The following RPUSD3 variants were observed in gnomAD, a reference collection of about 807,000 sequenced individuals.
RPUSD3 encodes the protein mitochondrial mRNA pseudouridine synthase RPUSD3.
Under a neutral mutation model 35.1 loss-of-function variants are expected in RPUSD3, and 36 were observed. The ratio of observed to expected loss-of-function variants is 1.02; its 90% CI spans 0.79 to 1.35. RPUSD3 has a LOEUF of 1.35. RPUSD3 is among the 40% of genes most tolerant of loss of function. RPUSD3 has a pLI of 0.00. For synonymous variants in RPUSD3, 202 were observed against 187.8 expected (o/e 1.08, Z -0.62); for missense variants, 486 against 441.9 (o/e 1.10, Z -0.89).
At chr3:9,843,329 T>A in intron 2 of RPUSD3, 136 bp downstream of exon 2, 1 of 1,288,464 alleles carries the variant, frequency 7.8e-7, no homozygotes, top group Admixed American at 2.1e-5. Context: ...GGGTGCAAAT[T>A]AGGTGGCTTG....
rs551326441 is a variant in RPUSD3 at position 9,843,271 on chromosome 3, C to G, written c.262+194G>C. The stretch of plus-strand genomic sequence containing the variant: ...TCGGTAGTTATTTGCATCTTCTCCC[C>G]ACTCTTAACCCTACTGCATCATGGC... On this transcript the variant is annotated intron_variant, in intron 2 of 8. Transcript: ENST00000383820. 1.2e-3 allele frequency: 851 copies of G among 704,536 alleles called. 3 individuals carry two copies. The highest frequency in any genetic ancestry group is 1.9e-3 in the Non-Finnish European group (793 of 425,532). 43.6% of individuals were successfully genotyped at this position (704,536 alleles called of 1,614,324 possible). A position where few individuals can be genotyped will look rare whatever the true frequency, so the allele number is the denominator to read the frequency against.
Position 9,837,972 on chromosome 3 carries a change from C to T in RPUSD3, c.*44G>A, listed in dbSNP as rs955849258. The T allele has an allele frequency of 6.0e-6, 9 of 1,509,522 alleles. No individual in the cohort carries two copies. The African/African-American group carries it at 6.9e-5, about 12-fold the overall frequency. The allele number at this position is 1,509,522 out of a possible 1,614,324, so 93.5% of individuals were successfully genotyped here. A position where few individuals can be genotyped will look rare whatever the true frequency, so the allele number is the denominator to read the frequency against. The stretch of plus-strand genomic sequence containing the variant: ...TTTGTCTGACTGCAGAGCCCCCACC[C>T]TCACTTTCCAGTGTGTGTGAGGGGG... On this transcript the variant is annotated 3_prime_UTR_variant, in exon 9 of 9. Transcript: ENST00000383820.
At chr3:9,843,656 T>A in intron 1 of RPUSD3, 55 bp from the exon 2 acceptor site, 1 of 1,595,506 alleles carries the variant, frequency 6.3e-7, no homozygotes. Context: ...TGCCACCCAT[T>A]CCTATCTCCG....
At chr3:9,843,843 C>T in intron 1 of RPUSD3, 47 bp downstream of exon 1, 1 of 1,568,264 alleles carries the variant, frequency 6.4e-7, no homozygotes, top group Non-Finnish European at 8.6e-7. Context: ...CGTGCCTTCC[C>T]CCTGCCCTAG....
chr3:9,839,050 G>C, exon 8 of RPUSD3: 3 of 1,614,192 alleles, frequency 1.9e-6, no homozygotes, highest in Non-Finnish European at 1.7e-6. Context: ...GGGGCTTGTT[G>C]TTCTCAGCTG....
intron 1 of RPUSD3, 104 bp from the exon 2 acceptor site, chr3:9,843,705 C>A: frequency 6.5e-7 from 1 of 1,549,734 alleles, no homozygotes; most frequent in Non-Finnish European, 8.7e-7. Flanking sequence ...TGACAAATGC[C>A]TCACAATGTC....
exon 6 of RPUSD3, chr3:9,840,587 G>A: frequency 6.2e-7 from 1 of 1,614,018 alleles, no homozygotes; most frequent in Non-Finnish European, 8.5e-7. Context: ...CTTCCCCTCA[G>A]AAGCAGCTGG....
chr3:9,843,329 T>C (rs1181092014), intron 2 of RPUSD3, 136 bp downstream of exon 2: 1 of 1,288,346 alleles, frequency 7.8e-7, no homozygotes, highest in Admixed American at 2.1e-5. Flanking sequence ...GGGTGCAAAT[T>C]AGGTGGCTTG....
chr3:9,839,111 T>G, exon 8 of RPUSD3: 1 of 1,614,196 alleles, frequency 6.2e-7, no homozygotes, highest in Non-Finnish European at 8.5e-7. Context: ...AGAGTACATG[T>G]GGTCCCCAAG....
chr3:9,842,008 G>A, exon 4 of RPUSD3: 1 of 1,614,042 alleles, frequency 6.2e-7, no homozygotes, highest in Middle Eastern at 1.6e-4. Flanking sequence ...ACAACCTGAA[G>A]CTCCTGCTCC....
intron 6 of RPUSD3, 25 bp downstream of exon 6, chr3:9,840,507 C>T (rs566229230): frequency 6.2e-7 from 1 of 1,612,476 alleles, no homozygotes; most frequent in East Asian, 2.2e-5. Context: ...AGAAGCACCC[C>T]TCCTCTTCCC....
intron 4 of RPUSD3, 46 bp from the exon 5 acceptor site, chr3:9,840,851 G>A (rs543945298): frequency 2.6e-5 from 39 of 1,488,576 alleles, no homozygotes; most frequent in African/African-American, 4.2e-5. Flanking sequence ...CCTTGAACTC[G>A]CCCACTAAAA....
chr3:9,838,217 G>C lies in RPUSD3; in HGVS notation c.865-10C>G, dbSNP rs369567151. ...GGGCTTCATCCAGGACCTGGAGCGG[G>C]AGAGGTACGTTGTGTTCAGCCCCAC... On this transcript the variant is annotated splice_polypyrimidine_tract_variant and intron_variant, in intron 8 of 8. Coordinates refer to ENST00000383820, the Ensembl canonical transcript of RPUSD3. The C allele has an allele frequency of 6.2e-6, 10 of 1,611,640 alleles. No individual in the cohort carries two copies. Among genetic ancestry groups the C allele is most frequent in the Non-Finnish European group, 8.5e-6 (10 of 1,179,736 alleles).
rs534262476 is a variant in RPUSD3, at chr3:9,843,745, C to T, written c.126-144G>A. The T allele has an allele frequency of 2.6e-5, 40 of 1,539,764 alleles. No homozygotes were observed. In the East Asian group the frequency reaches 4.4e-4, roughly 17 times the overall value. On this transcript the variant is annotated intron_variant, in intron 1 of 8. Coordinates refer to ENST00000383820, the Ensembl canonical transcript of RPUSD3. ...CTGACCTCGAAAATTCAGGTACGACCGGTCCCATTCTACAGCGGAGGGCAC... is the reference window on the plus strand; with the variant it reads ...CTGACCTCGAAAATTCAGGTACGACTGGTCCCATTCTACAGCGGAGGGCAC...
At chr3:9,840,704 G>A (rs2125024637) in exon 5 of RPUSD3, 3 of 1,614,156 alleles carry the variant, frequency 1.9e-6, no homozygotes, top group South Asian at 1.1e-5. Flanking sequence ...TCACCAGTAG[G>A]TGGCTGTGGG....
intron 2 of RPUSD3, chr3:9,843,254 T>C: frequency 1.6e-6 from 1 of 642,084 alleles, no homozygotes; most frequent in Non-Finnish European, 2.7e-6. Context: ...GCTCGGTAGT[T>C]ATTTGCATCT....
exon 9 of RPUSD3, chr3:9,837,995 G>A (rs1239407584): frequency 1.9e-6 from 3 of 1,539,994 alleles, no homozygotes; most frequent in African/African-American, 2.7e-5. Flanking sequence ...GTGTGTGAGG[G>A]GGTCAGGAAC....
At chr3:9,838,738 T>C (rs975527744) in intron 8 of RPUSD3, among the ~76,000 whole-genome samples, 3 of 152,196 alleles carry the variant, frequency 2.0e-5, no homozygotes, top group Non-Finnish European at 4.4e-5. Context: ...GGTGTCCTAA[T>C]ACACGCATGC....
intron 2 of RPUSD3, chr3:9,842,460 G>GCAGAC: frequency 1.7e-6 from 1 of 603,166 alleles, no homozygotes; most frequent in Non-Finnish European, 3.0e-6. Context: ...AATTTCCCAG[G>GCAGAC]TCTGGCTCCC....
Sources: allele counts gnomAD v4.1 joint callset (sites outside exome capture counted in the v4.1 genomes callset), GRCh38; gene constraint gnomAD v4.1.1; transcripts MANE v1.5; gene names NCBI Gene and HGNC (gene_info 2026-07-23, HGNC 2026-07-21).